Variants in TEX14 observed in about 807,000 individuals in gnomAD.
TEX14 encodes inactive serine/threonine-protein kinase TEX14.
Under a neutral mutation model 178.6 loss-of-function variants are expected in TEX14, and 168 were observed. The observed-to-expected ratio is 0.94, with a 90% CI of 0.83 to 1.07. The LOEUF (loss-of-function observed/expected upper bound fraction) is 1.07, where lower values mean the gene tolerates loss of function less well. TEX14 is among the 50% of genes least tolerant of loss of function. The probability of loss-of-function intolerance (pLI) is 0.00; values close to 1 mark genes in which losing one functional copy is unlikely to be tolerated. For synonymous variants in TEX14, 626 were observed against 634.1 expected (o/e 0.99, Z 0.19); for missense variants, 1,730 against 1,753.6 (o/e 0.99, Z 0.24).
At chr17:58,604,726 A>G (rs1374436764) in intron 11 of TEX14, among the ~76,000 whole-genome samples, 1 of 151,624 alleles carries the variant, frequency 6.6e-6, no homozygotes, top group East Asian at 2.0e-4. Context: ...ACGCCCAGCT[A>G]ATTTTTGTAT....
chr17:58,598,720 G>A (rs1170549072), intron 14 of TEX14, among the ~76,000 whole-genome samples, 156 bp downstream of exon 14: 1 of 152,160 alleles, frequency 6.6e-6, no homozygotes, highest in Non-Finnish European at 1.5e-5. Flanking sequence ...CTGGGGTCCT[G>A]CTTAGGATGC....
Position 58,559,541 on chromosome 17 carries a change from T to A in TEX14, c.4179A>T (p.Gln1393His). The change falls in exon 30 of 32, where the codon CAA becomes CAT. Residue 1393 changes from glutamine to histidine, a missense_variant. By Grantham distance (24) the Gln-to-His change is conservative (BLOSUM62 0). Coordinates refer to ENST00000349033, the MANE Select transcript of TEX14 (RefSeq NM_031272.5). Reference protein sequence around the residue: ...GSERETNIKDQKVGEEKRKRE... With the variant: ...GSERETNIKDHKVGEEKRKRE... The stretch of plus-strand genomic sequence containing the variant: ...TTTTTCTTTTCTCTTCACCAACTTT[T>A]TGATCTTTGATATTTGTCTCCCTGT... 6.5e-7 allele frequency: 1 copy of A among 1,550,118 alleles called. No homozygotes were observed. Among genetic ancestry groups the A allele is most frequent in the Non-Finnish European group, 8.9e-7 (1 of 1,123,762 alleles).
intron 2 of TEX14, among the ~76,000 whole-genome samples, chr17:58,638,781 C>T (rs1364371519): frequency 6.6e-6 from 1 of 151,862 alleles, no homozygotes; most frequent in African/African-American, 2.4e-5. Context: ...CTCAGGTGAT[C>T]CTCCTGCCCC....
chr17:58,655,186 C>CT (rs879873758), intron 1 of TEX14, among the ~76,000 whole-genome samples: 3 of 151,208 alleles, frequency 2.0e-5, no homozygotes, highest in African/African-American at 4.9e-5. Context: ...CTAATTTTTT[C>CT]TTTTTTTTCT....
At chr17:58,562,906 T>C (rs2044301383) in intron 28 of TEX14, among the ~76,000 whole-genome samples, 2 of 151,850 alleles carry the variant, frequency 1.3e-5, no homozygotes, top group South Asian at 4.2e-4. Flanking sequence ...ACCCCATCTC[T>C]ACAAAAAATA....
At chr17:58,622,560 A>G (rs2046023950) in intron 4 of TEX14, among the ~76,000 whole-genome samples, 1 of 152,162 alleles carries the variant, frequency 6.6e-6, no homozygotes, top group Non-Finnish European at 1.5e-5. Context: ...GTGAAGATTG[A>G]GTTAATATAT....
chr17:58,570,008 G>T (rs1444927666), intron 25 of TEX14, among the ~76,000 whole-genome samples: 1 of 151,960 alleles, frequency 6.6e-6, no homozygotes, highest in Non-Finnish European at 1.5e-5. Flanking sequence ...ATGTAGAATG[G>T]ACTATAACTA....
At chr17:58,662,773 T>G (rs1171535128) in intron 1 of TEX14, among the ~76,000 whole-genome samples, 3 of 152,178 alleles carry the variant, frequency 2.0e-5, no homozygotes, top group African/African-American at 4.8e-5. Context: ...TCAATAATTT[T>G]TAAAAGCTGA....
intron 1 of TEX14, among the ~76,000 whole-genome samples, chr17:58,674,839 G>GAAAAAAAA (rs1169811140): frequency 8.1e-6 from 1 of 123,426 alleles, no homozygotes. Context: ...GAGGCCTTTG[G>GAAAAAAAA]AAAAAAAAAA....
chr17:58,617,815 T>C lies in TEX14; in HGVS notation c.555-196A>G, dbSNP rs2045907553. ...TTCTCACTTACCGGTATGCATAACC[T>C]TGTGTAGCCCCTCACAGGTCACATG... On this transcript the variant is annotated intron_variant, in intron 5 of 31. Transcript: ENST00000349033. 2.6e-5 allele frequency among the ~76,000 whole-genome samples: 4 copies of C among 152,222 alleles called. No homozygotes were observed. In the South Asian group the frequency reaches 8.3e-4, roughly 32 times the overall value.
chr17:58,573,550 C>T (rs188343361), intron 22 of TEX14, among the ~76,000 whole-genome samples: 2 of 152,230 alleles, frequency 1.3e-5, no homozygotes, highest in Admixed American at 1.3e-4. Context: ...CAGAGTTTTG[C>T]TCTTGTCACC....
intron 1 of TEX14, among the ~76,000 whole-genome samples, chr17:58,686,861 C>CTTTTTTT (rs71143271): frequency 4.2e-5 from 3 of 71,538 alleles, no homozygotes; most frequent in East Asian, 4.7e-4. Context: ...GAAAGGTCAC[C>CTTTTTTT]TTTTTTTTTT....
At chr17:58,598,394 TGAATAGCAGCTTA>T (rs1002855747) in intron 14 of TEX14, among the ~76,000 whole-genome samples, 4 of 152,000 alleles carry the variant, frequency 2.6e-5, no homozygotes, top group African/African-American at 9.7e-5. Context: ...AGTGAATGAA[TGAATAGCAGCTTA>T]GAATGGAGAT....
chr17:58,644,492 C>T (rs1424305159), intron 2 of TEX14, among the ~76,000 whole-genome samples: 1 of 152,032 alleles, frequency 6.6e-6, no homozygotes, highest in African/African-American at 2.4e-5. Flanking sequence ...GCCACCACGC[C>T]TAGCTAGTTT....
chr17:58,627,507 A>G (rs770597483), intron 3 of TEX14, among the ~76,000 whole-genome samples: 20 of 152,310 alleles, frequency 1.3e-4, no homozygotes, highest in Non-Finnish European at 2.6e-4. Context: ...ATGGTGGCTC[A>G]TGCCTGTAAT....
intron 17 of TEX14, among the ~76,000 whole-genome samples, chr17:58,586,750 C>A (rs1450704429): frequency 6.0e-5 from 9 of 150,668 alleles, no homozygotes; most frequent in Non-Finnish European, 8.9e-5. Context: ...AAAAAAAAAA[C>A]AATCAATTCC....
At chr17:58,570,771 G>A (rs2044505583) in intron 24 of TEX14, among the ~76,000 whole-genome samples, 1 of 151,786 alleles carries the variant, frequency 6.6e-6, no homozygotes, top group South Asian at 2.1e-4. Context: ...GATTACAGGT[G>A]TGTACCACCA....
Position 58,573,321 on chromosome 17 carries a change from G to C in TEX14, c.3384-13C>G, listed in dbSNP as rs1439481443. On this transcript the variant is annotated splice_polypyrimidine_tract_variant and intron_variant, in intron 22 of 31. Transcript: ENST00000349033. ...ATCCGTCAATGATCTAAAGAATTAA[G>C]AGCACACAGTAATGATGAGAAGATG... 6.2e-7 allele frequency: 1 copy of C among 1,612,036 alleles called. No individual in the cohort carries two copies. The highest frequency in any genetic ancestry group is 1.3e-5 in the African/African-American group (1 of 74,884).
intron 1 of TEX14, among the ~76,000 whole-genome samples, chr17:58,667,891 TAAAAAAAAAA>T (rs1205836185): frequency 2.9e-4 from 30 of 102,820 alleles, no homozygotes; most frequent in African/African-American, 9.9e-4. Flanking sequence ...AGACTCTGGC[TAAAAAAAAAA>T]AAAAAAAAAG....
Sources: gnomAD v4.1 joint callset for allele counts (sites outside exome capture counted in the v4.1 genomes callset) on GRCh38, gnomAD v4.1.1 for gene constraint, MANE v1.5 for transcripts, NCBI Gene and HGNC (gene_info 2026-07-23, HGNC 2026-07-21) for gene names.